The following FMN2 variants were observed in gnomAD, a reference collection of about 807,000 sequenced individuals.
FMN2 encodes formin-2.
Under a neutral mutation model 142.3 loss-of-function variants are expected in FMN2, and 51 were observed. The ratio of observed to expected loss-of-function variants is 0.36; its 90% CI spans 0.29 to 0.45. FMN2 has a LOEUF of 0.45. FMN2 is among the 20% of genes least tolerant of loss of function. The pLI, the probability that FMN2 is intolerant of heterozygous loss-of-function variation, is 1.00. For missense variants in FMN2, 1,936 were observed against 2,122.8 expected (o/e 0.91, Z 1.73); for synonymous variants, 882 against 869.8 (o/e 1.01, Z -0.25).
chr1:240,296,802 A>G (rs1670004995), intron 8 of FMN2, among the ~76,000 whole-genome samples: 1 of 152,174 alleles, frequency 6.6e-6, no homozygotes, highest in Non-Finnish European at 1.5e-5. Context: ...CCCATTAAGC[A>G]TGGTGAGCAT....
chr1:240,338,068 A>G (rs1165684822), intron 13 of FMN2, among the ~76,000 whole-genome samples: 4 of 152,162 alleles, frequency 2.6e-5, no homozygotes, highest in African/African-American at 9.7e-5. Flanking sequence ...AATCAACTCA[A>G]CATGCACGGA....
At chr1:240,275,610 A>G (rs1175196763) in intron 7 of FMN2, among the ~76,000 whole-genome samples, 1 of 152,110 alleles carries the variant, frequency 6.6e-6, no homozygotes, top group African/African-American at 2.4e-5. Flanking sequence ...TATACCCAGT[A>G]ATGGGATTGC....
At chr1:240,202,602 A>G (rs1416033746) in intron 4 of FMN2, among the ~76,000 whole-genome samples, 2 of 152,098 alleles carry the variant, frequency 1.3e-5, no homozygotes, top group African/African-American at 4.8e-5. Flanking sequence ...AGCTAGGACT[A>G]CAGGCACACA....
At chr1:240,256,700 G>A (rs189251573) in intron 6 of FMN2, among the ~76,000 whole-genome samples, 5 of 152,164 alleles carry the variant, frequency 3.3e-5, no homozygotes, top group East Asian at 3.9e-4. Flanking sequence ...GCAGTGAGCC[G>A]AGATCGTGCC....
At chr1:240,285,110 G>T in intron 7 of FMN2, 2 of 368,204 alleles carry the variant, frequency 5.4e-6, no homozygotes, top group Middle Eastern at 3.7e-4. Context: ...TTTGTTTGAA[G>T]AAACATTTTG....
chr1:240,187,276 A>C (rs1051391533), intron 3 of FMN2, among the ~76,000 whole-genome samples: 2 of 150,258 alleles, frequency 1.3e-5, no homozygotes, highest in Non-Finnish European at 3.0e-5. Context: ...TCTCAAAAAA[A>C]AAAAAAAAAA....
At chr1:240,443,647 GGAGGCTGAGGCA>G (rs1164864291) in intron 16 of FMN2, among the ~76,000 whole-genome samples, 4 of 152,278 alleles carry the variant, frequency 2.6e-5, no homozygotes, top group African/African-American at 9.6e-5. Context: ...CAGCTACTCT[GGAGGCTGAGGCA>G]GAAGAATTGC....
chr1:240,264,348 A>G (rs1668724398), intron 7 of FMN2, among the ~76,000 whole-genome samples: 1 of 152,208 alleles, frequency 6.6e-6, no homozygotes, highest in South Asian at 2.1e-4. Context: ...ATTGGCATAC[A>G]GGATACATAT....
chr1:240,342,162 C>T (rs1050396611), intron 13 of FMN2, among the ~76,000 whole-genome samples: 3 of 152,154 alleles, frequency 2.0e-5, no homozygotes, highest in African/African-American at 7.2e-5. Context: ...GAGATATTTA[C>T]ATTTTTTAAA....
intron 4 of FMN2, among the ~76,000 whole-genome samples, chr1:240,205,833 G>A (rs1009896340): frequency 4.0e-5 from 6 of 151,392 alleles, no homozygotes; most frequent in Non-Finnish European, 8.8e-5. Flanking sequence ...TTTTAGGAAA[G>A]GAAGACACCA....
intron 1 of FMN2, among the ~76,000 whole-genome samples, chr1:240,118,512 G>A (rs935926242): frequency 9.9e-5 from 15 of 152,130 alleles, no homozygotes; most frequent in Non-Finnish European, 1.2e-4. Context: ...CTTCCTCGTT[G>A]TTGCTAACTT....
intron 2 of FMN2, among the ~76,000 whole-genome samples, chr1:240,156,131 G>C (rs1003045426): frequency 1.3e-5 from 2 of 152,036 alleles, no homozygotes; most frequent in African/African-American, 4.8e-5. Flanking sequence ...CATACCTATA[G>C]TCCCAGCTAC....
At chr1:240,278,721 G>A (rs1572148150) in intron 7 of FMN2, among the ~76,000 whole-genome samples, 1 of 152,102 alleles carries the variant, frequency 6.6e-6, no homozygotes, top group Non-Finnish European at 1.5e-5. Context: ...CATTTAGATT[G>A]ACTTTGCACA....
At chr1:240,433,639 A>G (rs1473132809) in intron 15 of FMN2, among the ~76,000 whole-genome samples, 1 of 152,134 alleles carries the variant, frequency 6.6e-6, no homozygotes, top group Admixed American at 6.5e-5. Context: ...CTTCTGTTCC[A>G]TGCATTCAAT....
chr1:240,364,069 A>G (rs1411964064), intron 14 of FMN2, among the ~76,000 whole-genome samples: 1 of 152,152 alleles, frequency 6.6e-6, no homozygotes, highest in Non-Finnish European at 1.5e-5. Flanking sequence ...AAAGCCATTT[A>G]TACTCCAGGC....
chr1:240,338,968 A>G (rs1478116628), intron 13 of FMN2, among the ~76,000 whole-genome samples: 1 of 152,172 alleles, frequency 6.6e-6, no homozygotes, highest in Admixed American at 6.5e-5. Flanking sequence ...AGGAGCATTC[A>G]ACCGAGATCC....
chr1:240,338,406 A>T (rs1013867697), intron 13 of FMN2, among the ~76,000 whole-genome samples: 1 of 152,200 alleles, frequency 6.6e-6, no homozygotes, highest in African/African-American at 2.4e-5. Context: ...GAAACAAATA[A>T]GCTTTTTTAA....
At chr1:240,300,932 C>G (rs1441037803) in intron 8 of FMN2, among the ~76,000 whole-genome samples, 1 of 148,370 alleles carries the variant, frequency 6.7e-6, no homozygotes, top group Non-Finnish European at 1.5e-5. Flanking sequence ...TGTGTACTTT[C>G]AACTTCCCTG....
At chr1:240,099,324 T>C (rs1032679721) in intron 1 of FMN2, among the ~76,000 whole-genome samples, 3 of 152,168 alleles carry the variant, frequency 2.0e-5, no homozygotes, top group African/African-American at 7.2e-5. Flanking sequence ...TGTTTTTTTT[T>C]GCAAATTGTT....
Sources: allele counts gnomAD v4.1 joint callset (sites outside exome capture counted in the v4.1 genomes callset), GRCh38; gene constraint gnomAD v4.1.1; transcripts MANE v1.5; gene names NCBI Gene and HGNC (gene_info 2026-07-23, HGNC 2026-07-21).